Variants in MICU2 observed in about 807,000 individuals in gnomAD.
The protein encoded by MICU2 is mitochondrial calcium uptake 2, also known as calcium uptake protein 2, mitochondrial.
Under a neutral mutation model 60.4 loss-of-function variants are expected in MICU2, and 64 were observed. The observed-to-expected ratio is 1.06, with a 90% CI of 0.87 to 1.31. MICU2 has a LOEUF of 1.31. MICU2 is among the 50% of genes most tolerant of loss of function. The pLI, the probability that MICU2 is intolerant of heterozygous loss-of-function variation, is 0.00. For synonymous variants in MICU2, 201 were observed against 175.0 expected, an observed-to-expected ratio of 1.15 and a Z score of -1.17; for missense variants, 569 against 531.0, an observed-to-expected ratio of 1.07 and a Z score of -0.70.
chr13:21,555,036 C>T (rs915549161), intron 2 of MICU2, among the ~76,000 whole-genome samples: 20 of 152,122 alleles, frequency 1.3e-4, no homozygotes, highest in African/African-American at 4.3e-4. Context: ...TAATATCTTA[C>T]CAACCAAAAA....
chr13:21,528,169 A>C (rs1452262173), intron 4 of MICU2, among the ~76,000 whole-genome samples: 1 of 152,074 alleles, frequency 6.6e-6, no homozygotes, highest in Non-Finnish European at 1.5e-5. Context: ...TTGGTAAATT[A>C]TTTTCTTATT....
chr13:21,535,594 CCATTT>C (rs1475167536), intron 4 of MICU2, among the ~76,000 whole-genome samples: 1 of 152,030 alleles, frequency 6.6e-6, no homozygotes, highest in African/African-American at 2.4e-5. Context: ...TTTAAAAATA[CCATTT>C]ATTTACAAAC....
At chr13:21,597,391 G>A (rs1373579057) in intron 1 of MICU2, among the ~76,000 whole-genome samples, 1 of 152,176 alleles carries the variant, frequency 6.6e-6, no homozygotes, top group Non-Finnish European at 1.5e-5. Flanking sequence ...GGGACAGTTA[G>A]TAACTTAGCT....
At chr13:21,578,885 T>C (rs1385100718) in intron 1 of MICU2, among the ~76,000 whole-genome samples, 2 of 152,222 alleles carry the variant, frequency 1.3e-5, no homozygotes, top group African/African-American at 2.4e-5. Flanking sequence ...TACCAAAGGA[T>C]ACTGCCTTAT....
At chr13:21,511,387 A>T (rs1886424841) in intron 7 of MICU2, among the ~76,000 whole-genome samples, 1 of 152,246 alleles carries the variant, frequency 6.6e-6, no homozygotes, top group Non-Finnish European at 1.5e-5. Flanking sequence ...AAATAGAAAA[A>T]GAACAAATCA....
intron 1 of MICU2, among the ~76,000 whole-genome samples, chr13:21,601,691 C>A (rs557954407): frequency 8.6e-5 from 13 of 151,756 alleles, no homozygotes; most frequent in African/African-American, 2.9e-4. Flanking sequence ...TTGCAGCTGG[C>A]GGGTGAGCGG....
intron 1 of MICU2, among the ~76,000 whole-genome samples, chr13:21,586,017 A>C (rs1438155395): frequency 2.0e-5 from 3 of 152,216 alleles, no homozygotes; most frequent in African/African-American, 7.2e-5. Context: ...ATAATACTTT[A>C]CAGCAACATT....
intron 1 of MICU2, among the ~76,000 whole-genome samples, chr13:21,591,525 A>C (rs1030699884): frequency 1.3e-5 from 2 of 152,210 alleles, no homozygotes; most frequent in Non-Finnish European, 2.9e-5. Flanking sequence ...GATCAAGTGG[A>C]CCTAGTAGAC....
intron 8 of MICU2, among the ~76,000 whole-genome samples, chr13:21,507,926 CTCTTTCTT>C (rs530265914): frequency 1.3e-5 from 2 of 151,510 alleles, no homozygotes; most frequent in Admixed American, 6.6e-5. Context: ...TTTTCTTTCT[CTCTTTCTT>C]TCTTTCTTTT....
At chr13:21,508,404 G>A (rs1043269502) in intron 8 of MICU2, among the ~76,000 whole-genome samples, 3 of 152,046 alleles carry the variant, frequency 2.0e-5, no homozygotes, top group Admixed American at 2.0e-4. Flanking sequence ...GATTACAGGC[G>A]TGAGCCACCA....
intron 1 of MICU2, among the ~76,000 whole-genome samples, chr13:21,575,684 C>T (rs1438714289): frequency 1.6e-5 from 2 of 124,246 alleles, no homozygotes; most frequent in Non-Finnish European, 3.2e-5. Flanking sequence ...GAGCCGAGAT[C>T]GCACCACTGC....
intron 4 of MICU2, among the ~76,000 whole-genome samples, chr13:21,527,583 G>A (rs1223769164): frequency 6.6e-6 from 1 of 152,162 alleles, no homozygotes; most frequent in East Asian, 1.9e-4. Context: ...CTCTGAAAAT[G>A]TTTTTAAAGA....
At chr13:21,509,139 A>C (rs554404177) in intron 8 of MICU2, among the ~76,000 whole-genome samples, 2 of 152,302 alleles carry the variant, frequency 1.3e-5, no homozygotes, top group South Asian at 4.1e-4. Context: ...ATCTGTTTTA[A>C]GACTTTGGTT....
Position 21,524,770 on chromosome 13 carries a change from C to T in MICU2, c.467-2120G>A, listed in dbSNP as rs1886806409. 2.0e-5 allele frequency among the ~76,000 whole-genome samples: 3 copies of T among 152,308 alleles called. No individual in the cohort carries two copies. The South Asian group carries it at 6.2e-4, about 32-fold the overall frequency. On this transcript the variant is annotated intron_variant, in intron 4 of 11. Transcript: ENST00000382374. ...ACACATTAAATGTTAACTCCTGAATCCCACCACCCATTCCTGCCTCTGGCC... is the reference window on the plus strand; with the variant it reads ...ACACATTAAATGTTAACTCCTGAATTCCACCACCCATTCCTGCCTCTGGCC...
intron 9 of MICU2, chr13:21,496,660 A>T (rs1320516892): frequency 6.5e-6 from 1 of 152,892 alleles, no homozygotes; most frequent in African/African-American, 2.4e-5. Context: ...GTCTTAGGTA[A>T]GTAACGCTTC....
At chr13:21,513,642 A>G (rs1886487261) in intron 7 of MICU2, among the ~76,000 whole-genome samples, 1 of 143,168 alleles carries the variant, frequency 7.0e-6, no homozygotes, top group African/African-American at 2.6e-5. Flanking sequence ...TGGGAGGCAG[A>G]GGCAGGAGAA....
At position 21,493,272 on chromosome 13, in the gene MICU2, G is replaced by A; in HGVS notation, c.1282C>T (p.Gln428Ter). 1.9e-6 allele frequency: 3 copies of A among 1,607,862 alleles called. No individual in the cohort carries two copies. The highest frequency in any genetic ancestry group is 2.2e-5 in the East Asian group (1 of 44,544). Residue 428 changes from glutamine (Q) to a stop codon, truncating the protein, a stop_gained, in exon 12 of 12, where the codon CAA (glutamine) becomes TAA (stop). Transcript: ENST00000382374. LOFTEE classifies it high-confidence loss of function. ...SIKGVKEVWK[Q>*]AGKGLF is the part of the protein sequence containing the mutation. ...TATTAAAAAAGACCTTTTCCAGCTT[G>A]TTTCCAGACTTCTTTTACTCCTTTA...
intron 4 of MICU2, among the ~76,000 whole-genome samples, chr13:21,531,846 G>A (rs535069057): frequency 3.9e-5 from 6 of 152,066 alleles, no homozygotes; most frequent in South Asian, 2.1e-4. Flanking sequence ...AAAAACAAAC[G>A]AACAAAAAAA....
At chr13:21,589,222 C>T (rs1888521021) in intron 1 of MICU2, among the ~76,000 whole-genome samples, 1 of 152,178 alleles carries the variant, frequency 6.6e-6, no homozygotes, top group African/African-American at 2.4e-5. Flanking sequence ...GACCCCTTTA[C>T]AGGATGGCTA....
Sources: gnomAD v4.1 joint callset for allele counts (sites outside exome capture counted in the v4.1 genomes callset) on GRCh38, gnomAD v4.1.1 for gene constraint, MANE v1.5 for transcripts, NCBI Gene and HGNC (gene_info 2026-07-23, HGNC 2026-07-21) for gene names.